The following SNCAIP variants were observed in gnomAD, a reference collection of about 807,000 sequenced individuals.
SNCAIP encodes synuclein alpha interacting protein.
SNCAIP carries 43 observed loss-of-function variants against 86.7 expected under a neutral mutation model. The observed-to-expected ratio is 0.50, with a 90% CI of 0.39 to 0.64. The LOEUF is 0.64. SNCAIP is among the 30% of genes least tolerant of loss of function. The pLI is 0.00. For missense variants in SNCAIP, 981 were observed against 1,103.1 expected (o/e 0.89, Z 1.57); for synonymous variants, 417 against 427.2 (o/e 0.98, Z 0.29).
At chr5:122,350,630 C>T (rs139427790) in intron 1 of SNCAIP, among the ~76,000 whole-genome samples, 42 of 152,042 alleles carry the variant, frequency 2.8e-4, no homozygotes, top group African/African-American at 9.2e-4. Context: ...TACTTCCAAG[C>T]GTTTTGATGC....
chr5:122,344,632 A>G (rs1758241061), intron 1 of SNCAIP, among the ~76,000 whole-genome samples: 1 of 152,212 alleles, frequency 6.6e-6, no homozygotes. Flanking sequence ...AATAAGCAAA[A>G]GTCTACATTG....
At chr5:122,405,934 C>G (rs184390932) in intron 3 of SNCAIP, among the ~76,000 whole-genome samples, 1 of 152,140 alleles carries the variant, frequency 6.6e-6, no homozygotes, top group South Asian at 2.1e-4. Context: ...ACTTTACTCA[C>G]AGCAAAGGCG....
chr5:122,377,494 CAGAGAG>C (rs3031391), intron 1 of SNCAIP, among the ~76,000 whole-genome samples: 96 of 149,264 alleles, frequency 6.4e-4, no homozygotes, highest in East Asian at 2.0e-3. Flanking sequence ...GGGAGACAGA[CAGAGAG>C]AGAGAGAGAG....
chr5:122,345,121 C>A (rs1169783480), intron 1 of SNCAIP, among the ~76,000 whole-genome samples: 2 of 152,126 alleles, frequency 1.3e-5, no homozygotes, highest in Non-Finnish European at 2.9e-5. Flanking sequence ...TTTTATATGA[C>A]AAGAATCACA....
intron 1 of SNCAIP, among the ~76,000 whole-genome samples, chr5:122,358,535 T>C (rs143365377): frequency 2.9e-4 from 44 of 152,120 alleles, no homozygotes; most frequent in African/African-American, 1.0e-3. Context: ...AGGCACATTT[T>C]TCCTGGTCTC....
chr5:122,337,698 C>A (rs1580478266), intron 1 of SNCAIP, among the ~76,000 whole-genome samples: 2 of 152,186 alleles, frequency 1.3e-5, no homozygotes, highest in South Asian at 4.1e-4. Context: ...CGCCACCATG[C>A]CCTGCTAATT....
Position 122,388,094 on chromosome 5 carries a change from G to A in SNCAIP, c.-46-2995G>A, listed in dbSNP as rs569732428. 5.3e-5 allele frequency among the ~76,000 whole-genome samples: 8 copies of A among 152,238 alleles called. No individual in the cohort carries two copies. In the East Asian group the frequency reaches 1.5e-3, roughly 29 times the overall value. On this transcript the variant is annotated intron_variant, in intron 1 of 10. Coordinates refer to ENST00000261368, the MANE Select transcript of SNCAIP (RefSeq NM_005460.4). ...CCTTGGAGAGGCTCTGGGAAAATGG[G>A]GAGCACAGGCCCCATGGACAGGTAG... is the stretch of plus-strand genomic sequence containing the variant.
At chr5:122,340,704 A>G (rs1757393778) in intron 1 of SNCAIP, among the ~76,000 whole-genome samples, 1 of 152,254 alleles carries the variant, frequency 6.6e-6, no homozygotes, top group Non-Finnish European at 1.5e-5. Flanking sequence ...TCCTATGTGC[A>G]TAAGTAATCA....
intron 2 of SNCAIP, 151 bp from the exon 3 acceptor site, chr5:122,403,642 G>T (rs887652423): frequency 7.9e-6 from 6 of 758,714 alleles, no homozygotes; most frequent in South Asian, 1.4e-5. Context: ...AGGTCACCAC[G>T]CAGCCCATTT....
At chr5:122,370,473 G>A (rs1199293858) in intron 1 of SNCAIP, among the ~76,000 whole-genome samples, 3 of 151,932 alleles carry the variant, frequency 2.0e-5, no homozygotes, top group Non-Finnish European at 4.4e-5. Context: ...TGGAAGGATG[G>A]GACAATTGCA....
chr5:122,372,352 A>G (rs1267098858), intron 1 of SNCAIP, among the ~76,000 whole-genome samples: 1 of 152,190 alleles, frequency 6.6e-6, no homozygotes, highest in African/African-American at 2.4e-5. Flanking sequence ...CTCTTAACAC[A>G]AAGTCACTGA....
chr5:122,331,960 G>T (rs928794877), intron 1 of SNCAIP, among the ~76,000 whole-genome samples: 1 of 152,222 alleles, frequency 6.6e-6, no homozygotes, highest in African/African-American at 2.4e-5. Context: ...TGTTGAATGA[G>T]TAAGTGTACA....
intron 1 of SNCAIP, 34 bp downstream of exon 1, chr5:122,312,318 G>C (rs1217780861): frequency 6.6e-6 from 1 of 152,592 alleles, no homozygotes; most frequent in East Asian, 2.0e-4. Context: ...GCCGCGGGGA[G>C]GCGGGAGGCG....
chr5:122,407,422 A>G (rs10063164), intron 3 of SNCAIP, among the ~76,000 whole-genome samples: 2,146 of 152,294 alleles, frequency 0.014, 31 homozygotes, highest in African/African-American at 0.049. Context: ...CAGAGAGATG[A>G]TCAGGGTCAG....
intron 1 of SNCAIP, among the ~76,000 whole-genome samples, chr5:122,329,890 A>G (rs1279966605): frequency 6.6e-6 from 1 of 152,138 alleles, no homozygotes; most frequent in Non-Finnish European, 1.5e-5. Flanking sequence ...GTCAATGGAG[A>G]CTAACGGTTA....
chr5:122,403,608 G>A (rs1772310238), intron 2 of SNCAIP, among the ~76,000 whole-genome samples, 185 bp from the exon 3 acceptor site: 1 of 152,144 alleles, frequency 6.6e-6, no homozygotes, highest in African/African-American at 2.4e-5. Context: ...GTTAGATGCT[G>A]CAGGTAGATC....
At chr5:122,344,618 C>T (rs1215152186) in intron 1 of SNCAIP, among the ~76,000 whole-genome samples, 1 of 152,130 alleles carries the variant, frequency 6.6e-6, no homozygotes, top group Non-Finnish European at 1.5e-5. Flanking sequence ...ACTCAAAATA[C>T]ATCAATAAGC....
At chr5:122,443,406 T>TATTA (rs1781524905) in intron 7 of SNCAIP, among the ~76,000 whole-genome samples, 1 of 152,208 alleles carries the variant, frequency 6.6e-6, no homozygotes, top group African/African-American at 2.4e-5. Flanking sequence ...TTTTTTAAAT[T>TATTA]ATTAATTTCA....
intron 2 of SNCAIP, among the ~76,000 whole-genome samples, chr5:122,403,114 C>T (rs1462666628): frequency 6.6e-6 from 1 of 152,074 alleles, no homozygotes; most frequent in Non-Finnish European, 1.5e-5. Flanking sequence ...ATAATTTATC[C>T]TGAAAGCCAG....
Sources: gnomAD v4.1 joint callset for allele counts (sites outside exome capture counted in the v4.1 genomes callset) on GRCh38, gnomAD v4.1.1 for gene constraint, MANE v1.5 for transcripts, NCBI Gene and HGNC (gene_info 2026-07-23, HGNC 2026-07-21) for gene names.